COL12A1: variants seen among roughly 807,000 people sequenced by gnomAD.
COL12A1 encodes collagen type XII alpha 1 chain.
COL12A1 carries 114 observed loss-of-function variants against 349.7 expected under a neutral mutation model. That is an observed-to-expected ratio of 0.33 (90% CI 0.28 to 0.38). COL12A1 has a LOEUF of 0.38. COL12A1 is among the 10% of genes least tolerant of loss of function. COL12A1 has a pLI of 1.00. For synonymous variants in COL12A1, 1,369 were observed against 1,329.0 expected, an observed-to-expected ratio of 1.03 and a Z score of -0.66; for missense variants, 3,284 against 3,756.9, an observed-to-expected ratio of 0.87 and a Z score of 3.29.
At chr6:75,141,184 T>C (rs1766874640) in intron 27 of COL12A1, among the ~76,000 whole-genome samples, 2 of 152,370 alleles carry the variant, frequency 1.3e-5, no homozygotes, top group East Asian at 3.9e-4. Flanking sequence ...GGAACACTGC[T>C]GGCTCTAGGC....
chr6:75,194,545 A>G (rs1451500915), intron 3 of COL12A1, among the ~76,000 whole-genome samples: 2 of 152,088 alleles, frequency 1.3e-5, no homozygotes, highest in Non-Finnish European at 2.9e-5. Flanking sequence ...TTGATTCTAT[A>G]AGATCAAAGG....
chr6:75,183,883 T>C lies in COL12A1; in HGVS notation c.1259A>G (p.Glu420Gly). 2 of 1,614,212 alleles carry C rather than the reference T, an allele frequency of 1.2e-6. No homozygotes were observed. The highest frequency in any genetic ancestry group is 2.2e-5 in the South Asian group (2 of 91,088). Residue 420 changes from glutamate to glycine, a missense_variant, in exon 9 of 66, where the codon GAG becomes GGG. Physicochemically the swap from Glu to Gly is moderately conservative, Grantham distance 98. This residue lies in a region of COL12A1 where 2,601 missense variants were observed against 2,824.8 expected (regional missense o/e 0.92). Transcript: ENST00000322507. ...TTGAACTTTCATTGGCTGAGTCTTCTCCATTATTGAAATGGGTTCACTGGA... is the reference window on the plus strand; with the variant it reads ...TTGAACTTTCATTGGCTGAGTCTTCCCCATTATTGAAATGGGTTCACTGGA... The part of the protein sequence containing the change: ...MTSSEPISIM[E>G]KTQPMKVQVE...
In COL12A1 at chr6:75,146,384, T is replaced by C; in HGVS notation, c.4418-140A>G. The C allele has an allele frequency of 3.1e-6, 3 of 966,848 alleles. No individual in the cohort carries two copies. In the South Asian group the frequency reaches 1.0e-4, roughly 34 times the overall value. 59.9% of individuals were successfully genotyped at this position (966,848 alleles called of 1,614,324 possible). On this transcript the variant is annotated intron_variant, in intron 23 of 65. Transcript: ENST00000322507. The stretch of plus-strand genomic sequence containing the variant: ...GAGAAATCAATAAGAGTTAATATAA[T>C]CCTTCCCATTGCCCCAAAAAATCCA...
intron 13 of COL12A1, among the ~76,000 whole-genome samples, chr6:75,171,170 A>G (rs892689521): frequency 6.6e-6 from 1 of 152,240 alleles, no homozygotes; most frequent in Non-Finnish European, 1.5e-5. Context: ...CATATACAGT[A>G]GGGTTGTTGT....
rs865884385 is a variant in COL12A1 at position 75,086,327 on chromosome 6, A to G, written c.*220T>C. The G allele has an allele frequency of 7.9e-5, 24 of 302,872 alleles. 1 individual carries two copies. In the Middle Eastern group the frequency reaches 0.01, roughly 127 times the overall value. The allele number at this position is 302,872 out of a possible 1,614,324, so 18.8% of individuals were successfully genotyped here. A position where few individuals can be genotyped will look rare whatever the true frequency, so the allele number is the denominator to read the frequency against. ...AATGTTTTTCTACATTATTACTGAA[A>G]TGCATCAGGATTATAAACTGACACC... On this transcript the variant is annotated 3_prime_UTR_variant, in exon 66 of 66. Coordinates refer to ENST00000322507, the MANE Select transcript of COL12A1 (RefSeq NM_004370.6).
rs1767446199 is a variant in COL12A1, at chr6:75,085,485, TA to T, written c.*1061del. 7 of 348,360 alleles carry T rather than the reference TA, an allele frequency of 2.0e-5. No individual in the cohort carries two copies. Among genetic ancestry groups the T allele is most frequent in the Non-Finnish European group, 4.3e-5 (7 of 162,500 alleles). The allele number at this position is 348,360 out of a possible 1,614,324, so 21.6% of individuals were successfully genotyped here. A position where few individuals can be genotyped will look rare whatever the true frequency, so the allele number is the denominator to read the frequency against. On this transcript the variant is annotated 3_prime_UTR_variant, in exon 66 of 66. Transcript: ENST00000322507. ...CCAGTCTTAATCTCATAACTATAAA[TA>T]GATAAGTTACAATGTCCCAATTATT... is the stretch of plus-strand genomic sequence containing the variant.
chr6:75,138,188 A>G (rs1766715856), intron 30 of COL12A1, 132 bp downstream of exon 30: 1 of 983,832 alleles, frequency 1.0e-6, no homozygotes, highest in Admixed American at 2.7e-5. Context: ...AAGCCTATGT[A>G]AAAGAGTTCT....
intron 58 of COL12A1, among the ~76,000 whole-genome samples, chr6:75,098,726 A>G (rs999261770): frequency 6.6e-6 from 1 of 152,136 alleles, no homozygotes; most frequent in Non-Finnish European, 1.5e-5. Context: ...CTCAATCCTG[A>G]TAATAAGCAG....
intron 24 of COL12A1, 151 bp from the exon 25 acceptor site, chr6:75,145,606 GTTTTC>G: frequency 2.7e-6 from 1 of 369,636 alleles, no homozygotes; most frequent in Non-Finnish European, 4.1e-6. Flanking sequence ...CCATGCTGAT[GTTTTC>G]TTTTTTTTTT....
intron 37 of COL12A1, among the ~76,000 whole-genome samples, chr6:75,129,685 G>T (rs1766205086): frequency 6.6e-6 from 1 of 152,218 alleles, no homozygotes; most frequent in South Asian, 2.1e-4. Flanking sequence ...ATTTAAGGGA[G>T]ACCTTGTAGA....
chr6:75,204,709 C>G (rs755116407), intron 1 of COL12A1, among the ~76,000 whole-genome samples: 5 of 152,004 alleles, frequency 3.3e-5, no homozygotes, highest in Admixed American at 6.5e-5. Context: ...TCCCCTTCTG[C>G]CAACTCGCCC....
chr6:75,086,337 A>C lies in COL12A1; in HGVS notation c.*210T>G, dbSNP rs80299357. 5,291 of 330,192 alleles carry C rather than the reference A, an allele frequency of 0.016. 249 individuals carry two copies. The highest frequency in any genetic ancestry group is 0.1 in the African/African-American group (4,776 of 46,288). The allele number at this position is 330,192 out of a possible 1,614,324, so 20.5% of individuals were successfully genotyped here. On this transcript the variant is annotated 3_prime_UTR_variant, in exon 66 of 66. Transcript: ENST00000322507. Reference sequence around the variant, plus strand: ...TACATTATTACTGAAATGCATCAGGATTATAAACTGACACCACTGCTTTTG... The same window carrying C: ...TACATTATTACTGAAATGCATCAGGCTTATAAACTGACACCACTGCTTTTG...
intron 63 of COL12A1, 80 bp from the exon 64 acceptor site, chr6:75,089,254 G>C (rs1582028817): frequency 1.9e-6 from 2 of 1,031,530 alleles, no homozygotes; most frequent in East Asian, 5.4e-5. Flanking sequence ...GATAATATTT[G>C]ATTCAAGTAA....
intron 14 of COL12A1, 59 bp from the exon 15 acceptor site, chr6:75,156,582 CT>C (rs1215348682): frequency 6.7e-7 from 1 of 1,501,562 alleles, no homozygotes; most frequent in Non-Finnish European, 9.1e-7. Flanking sequence ...GTATGTCCAC[CT>C]CTTCATTTAT....
chr6:75,143,466 A>C (rs1767015568), intron 25 of COL12A1, 78 bp from the exon 26 acceptor site: 1 of 1,522,196 alleles, frequency 6.6e-7, no homozygotes, highest in Non-Finnish European at 8.8e-7. Flanking sequence ...AGCTTTCAAG[A>C]AGTTGTTTGG....
chr6:75,180,407 G>A (rs1233725902), intron 11 of COL12A1, among the ~76,000 whole-genome samples: 2 of 152,122 alleles, frequency 1.3e-5, no homozygotes, highest in Non-Finnish European at 2.9e-5. Context: ...AGTTTTGCTA[G>A]TTCTAAAGAC....
rs1767510339 is a variant in COL12A1, at chr6:75,151,898, G to C, written c.3969C>G (p.Leu1323=). 6.2e-7 allele frequency: 1 copy of C among 1,613,556 alleles called. No individual in the cohort carries two copies. The highest frequency in any genetic ancestry group is 1.3e-5 in the African/African-American group (1 of 74,816). Residue 1323 remains leucine (L), a synonymous_variant, in exon 20 of 66, where the codon CTC becomes CTG. Transcript: ENST00000322507. ...QDDVEAPSKK[L]KDEGVELFAI... ...CAAACAGCTCCACTCCCTCATCCTT[G>C]AGTTTCTTTGAAGGTGCTTCAACAT...
intron 11 of COL12A1, 65 bp downstream of exon 11, chr6:75,180,874 C>G (rs1297142142): frequency 6.5e-7 from 1 of 1,537,610 alleles, no homozygotes; most frequent in Non-Finnish European, 8.8e-7. Flanking sequence ...TTATTACAAA[C>G]TGTAACTTTG....
At chr6:75,119,287 G>C in intron 45 of COL12A1, 63 bp downstream of exon 45, 1 of 1,606,288 alleles carries the variant, frequency 6.2e-7, no homozygotes, top group Non-Finnish European at 8.5e-7. Flanking sequence ...ATCAGCATGA[G>C]ATAATACACT....
Sources: allele counts gnomAD v4.1 joint callset (sites outside exome capture counted in the v4.1 genomes callset), GRCh38; gene constraint gnomAD v4.1.1; regional missense constraint gnomAD v4.1.1; transcripts MANE v1.5; gene names NCBI Gene and HGNC (gene_info 2026-07-23, HGNC 2026-07-21).